Variants in NR6A1 observed in about 807,000 individuals in gnomAD.
The protein encoded by NR6A1 is retinoic acid receptor-related testis-associated receptor.
In NR6A1, 7 loss-of-function variants were observed where a neutral mutation model predicts 59.1. The ratio of observed to expected loss-of-function variants is 0.12; its 90% CI spans 0.07 to 0.22. The LOEUF is 0.22. Ranked by LOEUF, NR6A1 falls within the 10% of genes least tolerant of loss-of-function variation. The probability of loss-of-function intolerance (pLI) is 1.00; values close to 1 mark genes in which losing one functional copy is unlikely to be tolerated. For synonymous variants in NR6A1, 243 were observed against 236.1 expected (o/e 1.03, Z -0.27); for missense variants, 468 against 611.6 (o/e 0.77, Z 2.48).
At chr9:124,698,999 A>G (rs903019147) in intron 2 of NR6A1, among the ~76,000 whole-genome samples, 1 of 152,230 alleles carries the variant, frequency 6.6e-6, no homozygotes, top group Admixed American at 6.5e-5. Context: ...CGCTTGAAAT[A>G]CAAGAGTCAG....
chr9:124,555,658 G>C (rs1833901314), intron 2 of NR6A1, among the ~76,000 whole-genome samples: 2 of 152,154 alleles, frequency 1.3e-5, no homozygotes, highest in Non-Finnish European at 2.9e-5. Context: ...ATTATACCAT[G>C]AATTAGAGAC....
intron 2 of NR6A1, among the ~76,000 whole-genome samples, chr9:124,696,415 T>C (rs1036941039): frequency 1.3e-5 from 2 of 152,004 alleles, no homozygotes; most frequent in African/African-American, 4.8e-5. Flanking sequence ...CCCCCTTCCA[T>C]CATCCTGTTC....
chr9:124,560,641 A>C (rs1588666963), intron 2 of NR6A1, among the ~76,000 whole-genome samples: 1 of 151,916 alleles, frequency 6.6e-6, no homozygotes, highest in Non-Finnish European at 1.5e-5. Context: ...GCTCACTGCA[A>C]CCTCCGCCTC....
intron 1 of NR6A1, among the ~76,000 whole-genome samples, chr9:124,740,924 T>C (rs145891074): frequency 6.6e-6 from 1 of 152,206 alleles, no homozygotes; most frequent in Non-Finnish European, 1.5e-5. Flanking sequence ...TTTGAAGAAC[T>C]GTTTCTTTCA....
intron 2 of NR6A1, among the ~76,000 whole-genome samples, chr9:124,622,198 A>G (rs1303130889): frequency 6.6e-6 from 1 of 152,192 alleles, no homozygotes; most frequent in African/African-American, 2.4e-5. Context: ...CTTGGGTGAC[A>G]GAGTGAGAAG....
rs1832829326 is a variant in NR6A1, at chr9:124,522,758, G to A, written c.1390C>T (p.Leu464Phe). The A allele has an allele frequency of 1.9e-6, 3 of 1,594,686 alleles. No homozygotes were observed. The South Asian group carries it at 3.4e-5, about 18-fold the overall frequency. The change falls in exon 10 of 10, where the codon CTC becomes TTC. Residue 464 changes from leucine (L) to phenylalanine (F), a missense_variant. Leu to Phe is a conservative substitution (Grantham distance 22). Around this residue, in one of 4 missense-constraint regions of NR6A1, gnomAD observed 176 missense variants for 264.0 expected, o/e 0.67. Coordinates refer to ENST00000487099, the MANE Select transcript of NR6A1 (RefSeq NM_033334.4). The stretch of plus-strand genomic sequence containing the variant: ...GAATGCAGCACCACCTTAAAGAGGA[G>A]GGGCAGCTGCTCCAGGGGCACATTC... ...MVNVPLEQLP[L>F]LFKVVLHSCK...
At position 124,522,130 on chromosome 9, in the gene NR6A1, G is replaced by A. The variant is rs1167669912; in HGVS notation, c.*575C>T. ...TGGCTCAATCCTCACCTCCTACCCT[G>A]TTGCCGTCTCACCAACCTTGCTTAG... On this transcript the variant is annotated 3_prime_UTR_variant, in exon 10 of 10. Coordinates refer to ENST00000487099, the MANE Select transcript of NR6A1 (RefSeq NM_033334.4). The A allele has an allele frequency of 6.5e-6, 1 of 152,872 alleles. No homozygotes were observed. The highest frequency in any genetic ancestry group is 2.4e-5 in the African/African-American group (1 of 41,414). 9.5% of individuals were successfully genotyped at this position (152,872 alleles called of 1,614,324 possible).
intron 2 of NR6A1, among the ~76,000 whole-genome samples, chr9:124,713,413 G>A (rs1839336346): frequency 6.6e-6 from 1 of 152,104 alleles, no homozygotes; most frequent in South Asian, 2.1e-4. Flanking sequence ...ACATGAAAAT[G>A]TAAAACTTTT....
chr9:124,757,484 A>C (rs1840667319), intron 1 of NR6A1, among the ~76,000 whole-genome samples: 1 of 147,262 alleles, frequency 6.8e-6, no homozygotes, highest in Admixed American at 6.7e-5. Flanking sequence ...AAAACCTTGG[A>C]TTTGAGGTCT....
intron 2 of NR6A1, among the ~76,000 whole-genome samples, chr9:124,561,566 T>C (rs1391757337): frequency 6.6e-6 from 1 of 152,154 alleles, no homozygotes; most frequent in South Asian, 2.1e-4. Context: ...AAAGTATAAG[T>C]GTTAGACAAA....
rs543821083 is a variant in NR6A1 at position 124,771,100 on chromosome 9, G to T, written c.20C>A (p.Pro7Gln). The part of the protein sequence containing the change: MERDEP[P>Q]PSGGGGGGGS... ...CCCGCCGCCTCCCCCTCCGCTAGGC[G>T]GCGGTTCGTCCCGCTCCATGCGGTG... The change falls in exon 1 of 10, where the codon CCG becomes CAG. Residue 7 changes from proline (P) to glutamine (Q), a missense_variant. Pro to Gln is a moderately conservative substitution (Grantham distance 76). Around this residue, in one of 4 missense-constraint regions of NR6A1, gnomAD observed 75 missense variants for 65.6 expected, o/e 1.14. Coordinates refer to ENST00000487099, the MANE Select transcript of NR6A1 (RefSeq NM_033334.4). 1,724 of 1,230,122 alleles carry T rather than the reference G, an allele frequency of 1.4e-3. 1 individual carries two copies. Among genetic ancestry groups the T allele is most frequent in the Middle Eastern group, 4.2e-3 (14 of 3,318 alleles). 76.2% of individuals were successfully genotyped at this position (1,230,122 alleles called of 1,614,324 possible).
intron 1 of NR6A1, among the ~76,000 whole-genome samples, chr9:124,754,609 T>G (rs2131180874): frequency 6.6e-6 from 1 of 152,026 alleles, no homozygotes; most frequent in African/African-American, 2.4e-5. Context: ...AAAAAAATGG[T>G]GGGGAGCATT....
At position 124,517,318 on chromosome 9, in the gene NR6A1, C is replaced by G. The variant is rs779449544; in HGVS notation, c.*5387G>C. 6.6e-6 allele frequency: 1 copy of G among 152,310 alleles called. No individual in the cohort carries two copies. The highest frequency in any genetic ancestry group is 6.5e-5 in the Admixed American group (1 of 15,288). The allele number at this position is 152,310 out of a possible 1,614,324, so 9.4% of individuals were successfully genotyped here. ...ACATTTATTGGTTCAAATACAGTAC[C>G]TAACACTTGCTAAACATGCATTTCA... On this transcript the variant is annotated 3_prime_UTR_variant, in exon 10 of 10. Transcript: ENST00000487099.
At chr9:124,578,382 T>C (rs1273956897) in intron 2 of NR6A1, among the ~76,000 whole-genome samples, 1 of 152,204 alleles carries the variant, frequency 6.6e-6, no homozygotes, top group Non-Finnish European at 1.5e-5. Context: ...ATTCTATTCC[T>C]ACCTCCCATA....
intron 1 of NR6A1, among the ~76,000 whole-genome samples, chr9:124,742,651 C>A (rs1191453606): frequency 6.6e-6 from 1 of 151,948 alleles, no homozygotes. Flanking sequence ...CTGAGGTGGG[C>A]GGATCACGAG....
intron 1 of NR6A1, among the ~76,000 whole-genome samples, chr9:124,746,582 C>T (rs540186439): frequency 6.6e-6 from 1 of 151,298 alleles, no homozygotes; most frequent in South Asian, 2.1e-4. Context: ...AGCGAGACTC[C>T]GTCTAAAAAA....
chr9:124,734,642 G>A (rs371641421), intron 1 of NR6A1, among the ~76,000 whole-genome samples: 13 of 152,190 alleles, frequency 8.5e-5, no homozygotes, highest in South Asian at 6.2e-4. Context: ...GCAGTGAGCC[G>A]AGATTGAACC....
chr9:124,610,211 T>C (rs555214223), intron 2 of NR6A1, among the ~76,000 whole-genome samples: 21 of 152,310 alleles, frequency 1.4e-4, no homozygotes, highest in African/African-American at 4.8e-4. Flanking sequence ...CTTTTGCCCA[T>C]TCAGTATATG....
chr9:124,566,815 A>G (rs893961792), intron 2 of NR6A1, among the ~76,000 whole-genome samples: 2 of 152,252 alleles, frequency 1.3e-5, no homozygotes, highest in Non-Finnish European at 2.9e-5. Context: ...GCTTTAGTTT[A>G]AAGAGAGGAC....
Sources: allele counts gnomAD v4.1 joint callset (sites outside exome capture counted in the v4.1 genomes callset), GRCh38; gene constraint gnomAD v4.1.1; regional missense constraint gnomAD v4.1.1; transcripts MANE v1.5; gene names NCBI Gene and HGNC (gene_info 2026-07-23, HGNC 2026-07-21).